PATJ: variants seen among roughly 807,000 people sequenced by gnomAD.
PATJ encodes PATJ crumbs cell polarity complex component, also known as inaD-like protein.
Under a neutral mutation model 224.9 loss-of-function variants are expected in PATJ, and 190 were observed. The ratio of observed to expected loss-of-function variants is 0.84; its 90% CI spans 0.75 to 0.95. The LOEUF is 0.95. Ranked by LOEUF, PATJ falls within the 40% of genes least tolerant of loss-of-function variation. The pLI is 0.00. For missense variants in PATJ, 2,121 were observed against 2,270.3 expected (o/e 0.93, Z 1.34); for synonymous variants, 769 against 820.3 (o/e 0.94, Z 1.07).
chr1:62,130,032 A>G (rs940003443), intron 41 of PATJ, among the ~76,000 whole-genome samples: 3 of 152,204 alleles, frequency 2.0e-5, no homozygotes, highest in African/African-American at 7.2e-5. Flanking sequence ...TCATCATTCT[A>G]GCCTTAAAAT....
At chr1:61,869,137 C>G (rs547796901) in intron 20 of PATJ, among the ~76,000 whole-genome samples, 66 of 138,432 alleles carry the variant, frequency 4.8e-4, no homozygotes, top group Middle Eastern at 4.0e-3. Flanking sequence ...GACGGAGTCT[C>G]GCTCTGTCGC....
chr1:62,147,919 C>T (rs1320513849), intron 41 of PATJ, among the ~76,000 whole-genome samples: 3 of 150,690 alleles, frequency 2.0e-5, no homozygotes, highest in Non-Finnish European at 3.0e-5. Flanking sequence ...GCTGAGATCG[C>T]GCCATTGCAC....
rs1557794110 is a variant in PATJ at position 61,871,559 on chromosome 1, T to TATATATA, written c.2836-3684_2836-3683insATATATA. ...TGTGTGTATATATATATATATATATTTTTTTTTTTTTTTTTTTTTTTGAGA... is the reference window on the plus strand; with the variant it reads ...TGTGTGTATATATATATATATATATTATATATATTTTTTTTTTTTTTTTTTTTTGAGA... On this transcript the variant is annotated intron_variant, in intron 20 of 43. Transcript: ENST00000642238. 2.3e-3 allele frequency among the ~76,000 whole-genome samples: 32 copies of TATATATA among 13,790 alleles called. No homozygotes were observed. In the East Asian group the frequency reaches 0.056, roughly 24 times the overall value. The allele number at this position is 13,790 out of a possible 152,430, so 9.0% of individuals were successfully genotyped here.
In PATJ at chr1:61,861,655, C is replaced by G; in HGVS notation, c.2427C>G (p.Leu809=). The change falls in exon 19 of 44, where the codon CTC becomes CTG. Residue 809 remains leucine (L), a synonymous_variant. Transcript: ENST00000642238. ...TIHDINSSLI[L]EAPKGFRDEP... ...ATGATATAAATTCATCTTTAATACT[C>G]GAAGCACCCAAGGTATTTAATAAAT... 2 of 1,379,000 alleles carry G rather than the reference C, an allele frequency of 1.5e-6. No individual in the cohort carries two copies. Among genetic ancestry groups the G allele is most frequent in the Non-Finnish European group, 2.0e-6 (2 of 1,022,428 alleles). 85.4% of individuals were successfully genotyped at this position (1,379,000 alleles called of 1,614,324 possible).
chr1:61,921,591 T>G (rs1674348153), intron 26 of PATJ, among the ~76,000 whole-genome samples: 1 of 152,172 alleles, frequency 6.6e-6, no homozygotes, highest in South Asian at 2.1e-4. Context: ...GGATAGGAAT[T>G]TGGGAGGGTG....
At chr1:62,039,142 A>G in intron 30 of PATJ, 3 of 628,912 alleles carry the variant, frequency 4.8e-6, no homozygotes, top group Non-Finnish European at 6.1e-6. Context: ...GCAGCCTGTC[A>G]TAGGAACTCC....
rs1557614153 is a variant in PATJ, at chr1:61,771,431, G to A, written c.525G>A (p.Arg175=). ...AAATTTCTTTTCTTACATGATTAAG[G>A]GATCAAAGATTAAAGGAAAATGATC... ...KDVQPGSVAD[R]DQRLKENDQI... The change falls in exon 6 of 44, where the codon AGG becomes AGA. Residue 175 remains arginine, a splice_region_variant and synonymous_variant. Coordinates refer to ENST00000642238, the MANE Select transcript of PATJ (RefSeq NM_001350145.3). The A allele has an allele frequency of 1.3e-6, 2 of 1,570,720 alleles. No homozygotes were observed. Among genetic ancestry groups the A allele is most frequent in the African/African-American group, 1.4e-5 (1 of 72,666 alleles).
chr1:62,059,124 C>T (rs1655003152), intron 31 of PATJ, among the ~76,000 whole-genome samples: 1 of 152,138 alleles, frequency 6.6e-6, no homozygotes, highest in South Asian at 2.1e-4. Flanking sequence ...GCATTCCTAG[C>T]CTAATCCTAG....
At chr1:61,869,935 T>C (rs558521106) in intron 20 of PATJ, among the ~76,000 whole-genome samples, 1 of 152,042 alleles carries the variant, frequency 6.6e-6, no homozygotes, top group East Asian at 1.9e-4. Flanking sequence ...CTAGGGGAGG[T>C]GCGTGCAATC....
At chr1:61,934,819 T>C (rs1039524264) in intron 27 of PATJ, among the ~76,000 whole-genome samples, 2 of 152,180 alleles carry the variant, frequency 1.3e-5, no homozygotes, top group East Asian at 3.8e-4. Flanking sequence ...ATGCCTCGGA[T>C]AGTCAACAGT....
intron 25 of PATJ, among the ~76,000 whole-genome samples, chr1:61,912,671 A>AGGGAAGGAAGGGAGGGAGGGAG (rs1672846136): frequency 3.2e-5 from 2 of 62,634 alleles, no homozygotes; most frequent in African/African-American, 1.3e-4. Context: ...GAAGGGAGGG[A>AGGGAAGGAAGGGAGGGAGGGAG]GGGAGGGGAG....
rs373696519 is a variant in PATJ, at chr1:61,789,788, G to A, written c.1069-1560G>A. ...GATCCTTCCACTACACTCCAGCCTC[G>A]GTGACAGAGTGAGACTCTGTCTCAA... On this transcript the variant is annotated intron_variant, in intron 8 of 43. Transcript: ENST00000642238. Among the ~76,000 whole-genome samples the A allele has an allele frequency of 4.7e-4, 72 of 152,118 alleles. 1 individual carries two copies. The South Asian group carries it at 0.013, about 27-fold the overall frequency.
chr1:62,149,482 G>C (rs1428303946), intron 42 of PATJ, among the ~76,000 whole-genome samples: 1 of 151,912 alleles, frequency 6.6e-6, no homozygotes, highest in Non-Finnish European at 1.5e-5. Context: ...TATTTTTCTT[G>C]AGGAAAGAAT....
At chr1:61,798,317 C>G (rs1239586767) in intron 11 of PATJ, among the ~76,000 whole-genome samples, 1 of 152,112 alleles carries the variant, frequency 6.6e-6, no homozygotes, top group Non-Finnish European at 1.5e-5. Flanking sequence ...CCTCAGCCTC[C>G]TGAGTAGCTG....
intron 26 of PATJ, among the ~76,000 whole-genome samples, chr1:61,916,262 T>G (rs1413199827): frequency 1.3e-5 from 2 of 152,114 alleles, no homozygotes; most frequent in Non-Finnish European, 2.9e-5. Flanking sequence ...ATTAAACATT[T>G]CATATAGAAC....
rs901377224 is a variant in PATJ at position 62,162,593 on chromosome 1, C to T, written c.*1539C>T. On this transcript the variant is annotated 3_prime_UTR_variant, in exon 44 of 44. Transcript: ENST00000642238. ...TAAGTTGATTATTGGCAATCTTATT[C>T]ATATATTAGCAAGAAAAAGGGAGAG... 10 of 152,136 alleles carry T rather than the reference C, an allele frequency of 6.6e-5. No individual in the cohort carries two copies. The highest frequency in any genetic ancestry group is 2.2e-4 in the African/African-American group (9 of 41,412). The allele number at this position is 152,136 out of a possible 1,614,324, so 9.4% of individuals were successfully genotyped here. A position where few individuals can be genotyped will look rare whatever the true frequency, so the allele number is the denominator to read the frequency against.
At chr1:61,880,500 A>G (rs1394683250) in intron 21 of PATJ, among the ~76,000 whole-genome samples, 1 of 152,242 alleles carries the variant, frequency 6.6e-6, no homozygotes, top group African/African-American at 2.4e-5. Flanking sequence ...AACAAAATAT[A>G]GAAGGTGCAT....
At chr1:62,010,561 A>G (rs1646388189) in intron 28 of PATJ, among the ~76,000 whole-genome samples, 1 of 151,772 alleles carries the variant, frequency 6.6e-6, no homozygotes, top group Non-Finnish European at 1.5e-5. Context: ...GGTATATTTC[A>G]CTTCACATAA....
At chr1:62,153,317 A>T in intron 42 of PATJ, 41 bp from the exon 43 acceptor site, 3 of 1,215,774 alleles carry the variant, frequency 2.5e-6, no homozygotes, top group Middle Eastern at 3.1e-4. Context: ...TTCCCTCTCA[A>T]TATCTATTCT....
Sources: gnomAD v4.1 joint callset for allele counts (sites outside exome capture counted in the v4.1 genomes callset) on GRCh38, gnomAD v4.1.1 for gene constraint, MANE v1.5 for transcripts, NCBI Gene and HGNC (gene_info 2026-07-23, HGNC 2026-07-21) for gene names.